The following COL11A1 variants were observed in gnomAD, a reference collection of about 807,000 sequenced individuals.
The protein encoded by COL11A1 is collagen alpha-1(XI) chain.
Under a neutral mutation model 265.2 loss-of-function variants are expected in COL11A1, and 74 were observed. The ratio of observed to expected loss-of-function variants is 0.28; its 90% confidence interval spans 0.23 to 0.34. The LOEUF is 0.34. COL11A1 is among the 10% of genes least tolerant of loss of function. The pLI is 1.00. For missense variants in COL11A1, 2,165 were observed against 2,263.6 expected (o/e 0.96, Z 0.88); for synonymous variants, 816 against 727.6 (o/e 1.12, Z -1.96).
chr1:103,076,005 T>TTAA (rs149547986), intron 3 of COL11A1, among the ~76,000 whole-genome samples: 2,185 of 152,224 alleles, frequency 0.014, 42 homozygotes, highest in African/African-American at 0.05. Flanking sequence ...CCCAGTATTA[T>TTAA]AGGTATGTGC....
chr1:102,994,586 G>C (rs1664446214), intron 28 of COL11A1, among the ~76,000 whole-genome samples: 1 of 151,854 alleles, frequency 6.6e-6, no homozygotes, highest in African/African-American at 2.4e-5. Context: ...CCCAGTCTCA[G>C]GTATTTCTTA....
chr1:103,002,368 T>G (rs1402802818), intron 23 of COL11A1, 60 bp downstream of exon 23: 15 of 1,384,092 alleles, frequency 1.1e-5, no homozygotes, highest in Non-Finnish European at 1.5e-5. Flanking sequence ...TCGATTTTCT[T>G]ATAGAAAGAT....
rs199950003 is a variant in COL11A1, at chr1:102,946,571, CT to C, written c.3276+277del. Among the ~76,000 whole-genome samples, 7,310 of 147,248 alleles carry C rather than the reference CT, an allele frequency of 0.05. 627 individuals carry two copies. Among genetic ancestry groups the C allele is most frequent in the African/African-American group, 0.17 (6,897 of 40,470 alleles). ...TATAGCTTCAATAAAAAACTCACAA[CT>C]TTTTTTTTTTAAAAAAAGCAAAATG... On this transcript the variant is annotated intron_variant, in intron 42 of 66. Coordinates refer to ENST00000370096, the MANE Select transcript of COL11A1 (RefSeq NM_001854.4).
At chr1:103,028,826 T>C (rs181105804) in intron 5 of COL11A1, among the ~76,000 whole-genome samples, 35 of 152,290 alleles carry the variant, frequency 2.3e-4, no homozygotes, top group Admixed American at 1.7e-3. Context: ...TGTCACTTCA[T>C]TTTCTGTTTT....
chr1:102,972,635 T>C (rs1209128586), intron 36 of COL11A1, among the ~76,000 whole-genome samples: 1 of 152,102 alleles, frequency 6.6e-6, no homozygotes, highest in Non-Finnish European at 1.5e-5. Flanking sequence ...AAAGTAATAA[T>C]TTTTTCATCA....
At chr1:102,979,183 C>A in intron 32 of COL11A1, 79 bp from the exon 33 acceptor site, 2 of 1,351,374 alleles carry the variant, frequency 1.5e-6, no homozygotes, top group Admixed American at 3.4e-5. Context: ...AGTAGTCATG[C>A]AAGAACATCA....
At chr1:102,923,431 CT>C in intron 46 of COL11A1, 42 bp from the exon 47 acceptor site, 4 of 1,453,844 alleles carry the variant, frequency 2.8e-6, no homozygotes, top group Admixed American at 2.0e-5. Flanking sequence ...TCACTGATGT[CT>C]TTAAAAAAAA....
chr1:102,996,064 T>A (rs1664595647), intron 26 of COL11A1, 22 bp from the exon 27 acceptor site: 3 of 1,609,498 alleles, frequency 1.9e-6, no homozygotes, highest in Non-Finnish European at 2.6e-6. Flanking sequence ...GAATTACCAC[T>A]TATACGTGTA....
At chr1:103,042,297 T>G (rs1043575805) in intron 4 of COL11A1, among the ~76,000 whole-genome samples, 1 of 152,118 alleles carries the variant, frequency 6.6e-6, no homozygotes, top group Non-Finnish European at 1.5e-5. Flanking sequence ...CTTTACTACC[T>G]GCTATATTCC....
intron 4 of COL11A1, among the ~76,000 whole-genome samples, chr1:103,047,560 T>C (rs1191087402): frequency 1.3e-5 from 2 of 152,182 alleles, no homozygotes; most frequent in Non-Finnish European, 2.9e-5. Context: ...CAGGGACAAT[T>C]TGACTTCCTC....
intron 54 of COL11A1, among the ~76,000 whole-genome samples, chr1:102,903,076 G>T (rs1653440974): frequency 6.6e-6 from 1 of 151,840 alleles, no homozygotes; most frequent in African/African-American, 2.4e-5. Flanking sequence ...ATTTTGGTCA[G>T]CTCTAGATTT....
At chr1:103,029,274 T>C (rs574955774) in intron 5 of COL11A1, among the ~76,000 whole-genome samples, 1 of 152,022 alleles carries the variant, frequency 6.6e-6, no homozygotes, top group South Asian at 2.1e-4. Context: ...AAGTAAGTAA[T>C]ATAAAGTACA....
intron 4 of COL11A1, among the ~76,000 whole-genome samples, chr1:103,062,665 G>A (rs1670763212): frequency 6.6e-6 from 1 of 151,956 alleles, no homozygotes; most frequent in Non-Finnish European, 1.5e-5. Flanking sequence ...GGAACAGAAG[G>A]ACATTTTCTC....
intron 41 of COL11A1, among the ~76,000 whole-genome samples, chr1:102,959,048 G>A (rs548121611): frequency 3.9e-4 from 59 of 152,206 alleles, no homozygotes; most frequent in African/African-American, 1.4e-3. Flanking sequence ...TGGATTCCAC[G>A]TTGCCCAAGT....
At chr1:103,000,681 A>T (rs1360412598) in intron 24 of COL11A1, among the ~76,000 whole-genome samples, 1 of 151,968 alleles carries the variant, frequency 6.6e-6, no homozygotes, top group Non-Finnish European at 1.5e-5. Flanking sequence ...GGTACAATCG[A>T]TATGGAAAAG....
chr1:102,967,227 C>CTTTTTTTTTT (rs35303945), intron 37 of COL11A1, among the ~76,000 whole-genome samples: 792 of 52,766 alleles, frequency 0.015, 268 homozygotes, highest in East Asian at 0.029. Context: ...ATAATAAATT[C>CTTTTTTTTTT]TTTTTTTTTT....
At chr1:103,036,889 T>C (rs1331310731) in intron 4 of COL11A1, among the ~76,000 whole-genome samples, 2 of 152,022 alleles carry the variant, frequency 1.3e-5, no homozygotes, top group Non-Finnish European at 2.9e-5. Context: ...TCAACTGGGT[T>C]TATACTATAG....
chr1:103,083,843 T>G (rs1316180072), intron 1 of COL11A1, among the ~76,000 whole-genome samples: 1 of 152,192 alleles, frequency 6.6e-6, no homozygotes, highest in Non-Finnish European at 1.5e-5. Context: ...TCTTAGGGTA[T>G]GTAAAACTAG....
At chr1:103,055,956 A>G (rs924736206) in intron 4 of COL11A1, among the ~76,000 whole-genome samples, 4 of 152,240 alleles carry the variant, frequency 2.6e-5, no homozygotes, top group African/African-American at 9.6e-5. Flanking sequence ...AACAAAATGC[A>G]ATAAACAACT....
Sources: allele counts gnomAD v4.1 joint callset (sites outside exome capture counted in the v4.1 genomes callset), GRCh38; gene constraint gnomAD v4.1.1; transcripts MANE v1.5; gene names NCBI Gene and HGNC (gene_info 2026-07-23, HGNC 2026-07-21).